FRMD4B: variants seen among roughly 807,000 people sequenced by gnomAD.
FRMD4B encodes the protein FERM domain containing 4B.
Under a neutral mutation model 141.5 loss-of-function variants are expected in FRMD4B, and 74 were observed. That is an observed-to-expected ratio of 0.52 (90% CI 0.43 to 0.63). The LOEUF (loss-of-function observed/expected upper bound fraction) is 0.63, where lower values mean the gene tolerates loss of function less well. Ranked by LOEUF, FRMD4B falls within the 30% of genes least tolerant of loss-of-function variation. The pLI is 0.00. For synonymous variants in FRMD4B, 506 were observed against 467.9 expected (o/e 1.08, Z -1.05); for missense variants, 1,366 against 1,253.4 (o/e 1.09, Z -1.36).
At chr3:69,523,549 T>G (rs1240439194) in intron 1 of FRMD4B, among the ~76,000 whole-genome samples, 7 of 152,058 alleles carry the variant, frequency 4.6e-5, no homozygotes. Context: ...GGTATCTGTG[T>G]TCTAAACAGC....
chr3:69,226,766 T>G (rs1259164065), intron 7 of FRMD4B, among the ~76,000 whole-genome samples: 3 of 152,204 alleles, frequency 2.0e-5, no homozygotes, highest in Non-Finnish European at 4.4e-5. Context: ...ATGGAACTGT[T>G]TTTAACTCAT....
chr3:69,212,580 C>A (rs1016903017), intron 11 of FRMD4B, among the ~76,000 whole-genome samples: 1 of 151,980 alleles, frequency 6.6e-6, no homozygotes, highest in African/African-American at 2.4e-5. Context: ...GAAGTATTTG[C>A]CAATTTCTAT....
At chr3:69,253,175 T>C (rs1313546863) in intron 5 of FRMD4B, among the ~76,000 whole-genome samples, 3 of 147,026 alleles carry the variant, frequency 2.0e-5, no homozygotes, top group Non-Finnish European at 4.4e-5. Flanking sequence ...AGTGAAAATA[T>C]GATTCCTATT....
At chr3:69,255,325 C>A (rs1175293910) in intron 5 of FRMD4B, among the ~76,000 whole-genome samples, 1 of 152,122 alleles carries the variant, frequency 6.6e-6, no homozygotes, top group Non-Finnish European at 1.5e-5. Flanking sequence ...GGCAGACATA[C>A]TAACAGCTTT....
At chr3:69,494,898 AGAAAGGAAAG>A (rs369775652) in intron 1 of FRMD4B, among the ~76,000 whole-genome samples, 1 of 150,482 alleles carries the variant, frequency 6.6e-6, no homozygotes, top group Non-Finnish European at 1.5e-5. Context: ...GTCCAAAAAA[AGAAAGGAAAG>A]GAAAGGAAAG....
intron 1 of FRMD4B, among the ~76,000 whole-genome samples, chr3:69,317,390 T>C (rs1361746063): frequency 6.6e-6 from 1 of 152,010 alleles, no homozygotes; most frequent in East Asian, 1.9e-4. Flanking sequence ...TGGGCAGCCA[T>C]TTTGTGTGTG....
chr3:69,467,378 C>G (rs895324526), intron 1 of FRMD4B, among the ~76,000 whole-genome samples: 2 of 152,222 alleles, frequency 1.3e-5, no homozygotes, highest in African/African-American at 4.8e-5. Flanking sequence ...ATGCTCACAA[C>G]TACTACATCA....
chr3:69,248,524 C>T (rs1053533668), intron 7 of FRMD4B, among the ~76,000 whole-genome samples: 3 of 152,212 alleles, frequency 2.0e-5, no homozygotes, highest in African/African-American at 4.8e-5. Context: ...AAATAATCTA[C>T]GAGTAACGTC....
chr3:69,320,035 C>T (rs1468099186), intron 1 of FRMD4B, among the ~76,000 whole-genome samples: 1 of 152,188 alleles, frequency 6.6e-6, no homozygotes, highest in Non-Finnish European at 1.5e-5. Context: ...CTATTAACCA[C>T]TGCTTATTTG....
chr3:69,421,988 G>C (rs183061329), intron 2 of FRMD4B, among the ~76,000 whole-genome samples: 6 of 152,332 alleles, frequency 3.9e-5, no homozygotes, highest in African/African-American at 1.4e-4. Flanking sequence ...CCCTTCAGTT[G>C]CATTTAAATT....
chr3:69,196,968 G>A lies in FRMD4B; in HGVS notation c.1024C>T (p.Leu342Phe). The change falls in exon 13 of 23, where the codon CTC becomes TTC. Residue 342 changes from leucine to phenylalanine, a missense_variant. Transcript: ENST00000398540. ...FVQTWYANSSLIKSIWVMAIS... is the reference protein window; with the variant it reads ...FVQTWYANSSFIKSIWVMAIS... Reference sequence around the variant, plus strand: ...GCCATTACCCAAATGGACTTGATGAGAGAAGAGTTAGCATACCATGTTTGC... The same window carrying A: ...GCCATTACCCAAATGGACTTGATGAAAGAAGAGTTAGCATACCATGTTTGC... 1 of 1,607,422 alleles carries A rather than the reference G, an allele frequency of 6.2e-7. No homozygotes were observed. The highest frequency in any genetic ancestry group is 8.5e-7 in the Non-Finnish European group (1 of 1,173,832).
At chr3:69,323,618 A>G (rs1374113915) in intron 1 of FRMD4B, among the ~76,000 whole-genome samples, 18 of 28,490 alleles carry the variant, frequency 6.3e-4, no homozygotes, top group African/African-American at 1.9e-3. Flanking sequence ...GTATATATAT[A>G]TATATATATA....
chr3:69,169,013 G>C lies in FRMD4B; in HGVS notation c.*2848C>G, dbSNP rs868669716. Among the ~76,000 whole-genome samples the C allele has an allele frequency of 2.0e-5, 3 of 150,462 alleles. No individual in the cohort carries two copies. The highest frequency in any genetic ancestry group is 7.3e-5 in the African/African-American group (3 of 40,990). On this transcript the variant is annotated 3_prime_UTR_variant, in exon 23 of 23. Transcript: ENST00000398540. ...GAAAACAAAACAAACAAAAAAAAAT[G>C]TTGTAAAACTGTACTTGTAATATGC...
At chr3:69,415,422 G>A (rs1445793872) in intron 2 of FRMD4B, among the ~76,000 whole-genome samples, 3 of 152,006 alleles carry the variant, frequency 2.0e-5, no homozygotes, top group Admixed American at 1.3e-4. Flanking sequence ...CTGTGGTCAA[G>A]CCCCATCTAC....
At chr3:69,305,658 G>T (rs1701367843) in intron 3 of FRMD4B, among the ~76,000 whole-genome samples, 2 of 152,172 alleles carry the variant, frequency 1.3e-5, no homozygotes, top group Non-Finnish European at 2.9e-5. Context: ...GGAGGTTGAG[G>T]CAGGAGGATC....
intron 1 of FRMD4B, among the ~76,000 whole-genome samples, chr3:69,494,998 G>A (rs1485044926): frequency 6.7e-6 from 1 of 149,286 alleles, no homozygotes; most frequent in Admixed American, 6.7e-5. Context: ...GAAAGGGAGG[G>A]AAAGGGAGGG....
chr3:69,186,876 TG>T lies in FRMD4B; in HGVS notation c.1919+893del, dbSNP rs2092773860. On this transcript the variant is annotated intron_variant, in intron 19 of 22. Coordinates refer to ENST00000398540, the MANE Select transcript of FRMD4B (RefSeq NM_015123.3). ...TTTCTTTTTAGGCAAAGCAAACAGCTGGTAACTGTTTGTTTGCTTTTTAAAG... is the reference window on the plus strand; with the variant it reads ...TTTCTTTTTAGGCAAAGCAAACAGCTGTAACTGTTTGTTTGCTTTTTAAAG... Among the ~76,000 whole-genome samples the T allele has an allele frequency of 2.0e-5, 3 of 152,198 alleles. No homozygotes were observed. In the South Asian group the frequency reaches 6.2e-4, roughly 32 times the overall value.
At position 69,386,016 on chromosome 3, in the gene FRMD4B, C is replaced by A. The variant is rs1227767892; in HGVS notation, c.-27G>T. On this transcript the variant is annotated 5_prime_UTR_variant, in exon 1 of 23. Transcript: ENST00000398540. ...CCTCCTCCTTCGCTCTGAACCCGGG[C>A]GTCCCGGCTCTCGTACGTGCAGCCC... The A allele has an allele frequency of 1.3e-6, 2 of 1,540,486 alleles. No individual in the cohort carries two copies. Among genetic ancestry groups the A allele is most frequent in the Non-Finnish European group, 1.8e-6 (2 of 1,136,468 alleles).
At chr3:69,258,769 C>T (rs1395587106) in intron 5 of FRMD4B, among the ~76,000 whole-genome samples, 4 of 152,144 alleles carry the variant, frequency 2.6e-5, no homozygotes, top group African/African-American at 9.7e-5. Context: ...ACATGCCCTT[C>T]TCCTAGTCTG....
Sources: gnomAD v4.1 joint callset for allele counts (sites outside exome capture counted in the v4.1 genomes callset) on GRCh38, gnomAD v4.1.1 for gene constraint, MANE v1.5 for transcripts, NCBI Gene and HGNC (gene_info 2026-07-23, HGNC 2026-07-21) for gene names.